CSMD2: variants seen among roughly 807,000 people sequenced by gnomAD.
CSMD2 encodes the protein CUB and sushi domain-containing protein 2.
A neutral mutation model predicts 398.5 loss-of-function variants in CSMD2; 130 were observed. The observed-to-expected ratio is 0.33, with a 90% CI of 0.28 to 0.38. CSMD2 has a LOEUF of 0.38. Ranked by LOEUF, CSMD2 falls within the 10% of genes least tolerant of loss-of-function variation. CSMD2 has a pLI of 1.00. For missense variants in CSMD2, 3,829 were observed against 4,764.9 expected, an observed-to-expected ratio of 0.80 and a Z score of 5.78; for synonymous variants, 1,828 against 1,908.5, an observed-to-expected ratio of 0.96 and a Z score of 1.10.
At chr1:33,948,283 G>A (rs1644899612) in intron 3 of CSMD2, among the ~76,000 whole-genome samples, 1 of 152,154 alleles carries the variant, frequency 6.6e-6, no homozygotes, top group Non-Finnish European at 1.5e-5. Flanking sequence ...AGTCATAGAG[G>A]CAGGTGGTAG....
rs149136078 is a variant in CSMD2, at chr1:33,566,456, C to T, written c.8380+1137G>A. Among the ~76,000 whole-genome samples the T allele has an allele frequency of 7.3e-4, 111 of 152,060 alleles. No individual in the cohort carries two copies. The East Asian group carries it at 7.9e-3, about 11-fold the overall frequency. On this transcript the variant is annotated intron_variant, in intron 53 of 70. Transcript: ENST00000373381. ...AAATGGGAGACGGCAAAATTAAGAC[C>T]GAACATATCAGTCATATTAATATAT...
At chr1:34,089,647 A>G (rs1043276505) in intron 1 of CSMD2, among the ~76,000 whole-genome samples, 1 of 151,966 alleles carries the variant, frequency 6.6e-6, no homozygotes, top group African/African-American at 2.4e-5. Flanking sequence ...TGTCTTCCCA[A>G]TTCCAAACCC....
Position 33,524,985 on chromosome 1 carries a change from C to A in CSMD2, c.10293G>T (p.Gly3431=). The A allele has an allele frequency of 6.2e-7, 1 of 1,614,216 alleles. No individual in the cohort carries two copies. The highest frequency in any genetic ancestry group is 8.5e-7 in the Non-Finnish European group (1 of 1,180,028). The change falls in exon 66 of 71, where the codon GGG becomes GGT. Residue 3431 remains glycine (G), a synonymous_variant. Coordinates refer to ENST00000373381, the MANE Select transcript of CSMD2 (RefSeq NM_001281956.2). ...CTCTGAGCATGGCTGGCTGCTTCTTCCCCTGGTATTCATAGGCCCCTTTCC... is the reference window on the plus strand; with the variant it reads ...CTCTGAGCATGGCTGGCTGCTTCTTACCCTGGTATTCATAGGCCCCTTTCC... The part of the protein sequence containing the change: ...SLWKGAYEYQ[G]KKQPAMLRVT...
At position 33,563,542 on chromosome 1, in the gene CSMD2, G is replaced by A. The variant is rs185024181; in HGVS notation, c.8380+4051C>T. Among the ~76,000 whole-genome samples, 11 of 152,204 alleles carry A rather than the reference G, an allele frequency of 7.2e-5. No individual in the cohort carries two copies. The East Asian group carries it at 1.7e-3, about 24-fold the overall frequency. On this transcript the variant is annotated intron_variant, in intron 53 of 70. Transcript: ENST00000373381. ...GATTAGCTAACAATTGTTGGGGCTCGCAGTCATTGTCTCACTTAATCCTCA... is the reference window on the plus strand; with the variant it reads ...GATTAGCTAACAATTGTTGGGGCTCACAGTCATTGTCTCACTTAATCCTCA...
At chr1:33,802,751 C>T (rs889175870) in intron 10 of CSMD2, among the ~76,000 whole-genome samples, 4 of 152,208 alleles carry the variant, frequency 2.6e-5, no homozygotes, top group African/African-American at 9.7e-5. Context: ...GGGAGCCCTG[C>T]ATTCTCAATC....
intron 11 of CSMD2, among the ~76,000 whole-genome samples, chr1:33,791,538 T>A (rs754178115): frequency 6.6e-6 from 1 of 151,964 alleles, no homozygotes; most frequent in African/African-American, 2.4e-5. Context: ...CAGGCTAGAG[T>A]GTAGTGGCAT....
chr1:33,778,577 C>T (rs1652296323), intron 12 of CSMD2, among the ~76,000 whole-genome samples: 1 of 152,026 alleles, frequency 6.6e-6, no homozygotes, highest in African/African-American at 2.4e-5. Context: ...GTACCCGGCA[C>T]TTAGCACAGT....
At chr1:34,162,456 C>G (rs1424606614) in intron 1 of CSMD2, among the ~76,000 whole-genome samples, 2 of 152,152 alleles carry the variant, frequency 1.3e-5, no homozygotes, top group Non-Finnish European at 2.9e-5. Flanking sequence ...GAATGTGTTT[C>G]CCCTTCTAAT....
rs573004329 is a variant in CSMD2 at position 33,852,694 on chromosome 1, T to C, written c.921-5698A>G. ...CTCTTCAACTAGCAGGCAAGCTCCA[T>C]GGGAGCTGGAATAAAATCTTCTTTT... is the stretch of plus-strand genomic sequence containing the variant. On this transcript the variant is annotated intron_variant, in intron 5 of 70. Transcript: ENST00000373381. Among the ~76,000 whole-genome samples the C allele has an allele frequency of 8.1e-4, 124 of 152,340 alleles. 3 individuals carry two copies. In the South Asian group the frequency reaches 0.023, roughly 28 times the overall value.
intron 27 of CSMD2, among the ~76,000 whole-genome samples, chr1:33,654,685 C>A (rs1218635638): frequency 6.6e-6 from 1 of 152,210 alleles, no homozygotes. Context: ...CCCAGGCCAG[C>A]CTAGAAACAG....
chr1:33,857,515 T>C (rs1248322914), intron 5 of CSMD2, among the ~76,000 whole-genome samples: 1 of 152,154 alleles, frequency 6.6e-6, no homozygotes, highest in Non-Finnish European at 1.5e-5. Context: ...GCCCCATCTC[T>C]GTTGTGCTCT....
intron 25 of CSMD2, among the ~76,000 whole-genome samples, chr1:33,668,958 A>C (rs991997493): frequency 5.9e-5 from 9 of 152,244 alleles, no homozygotes; most frequent in African/African-American, 1.4e-4. Context: ...GGAATAAATA[A>C]GATGCTATCA....
Position 34,104,322 on chromosome 1 carries a change from G to A in CSMD2, c.188-15129C>T, listed in dbSNP as rs534615603. 4.6e-5 allele frequency among the ~76,000 whole-genome samples: 7 copies of A among 152,116 alleles called. No homozygotes were observed. In the East Asian group the frequency reaches 1.4e-3, roughly 29 times the overall value. ...AAAAATTTCTCAGTTGGTTCCCTTG[G>A]GTGTTTTAGGTACACAATCATGTTG... On this transcript the variant is annotated intron_variant, in intron 1 of 70. Coordinates refer to ENST00000373381, the MANE Select transcript of CSMD2 (RefSeq NM_001281956.2).
rs930929892 is a variant in CSMD2, at chr1:33,515,493, C to G, written c.*1131G>C. ...GCAGCTGGTGTAGTGGACTTTGGGGCAGACTGATCTGGGTTTGCATTCTGA... is the reference window on the plus strand; with the variant it reads ...GCAGCTGGTGTAGTGGACTTTGGGGGAGACTGATCTGGGTTTGCATTCTGA... On this transcript the variant is annotated 3_prime_UTR_variant, in exon 71 of 71. Coordinates refer to ENST00000373381, the MANE Select transcript of CSMD2 (RefSeq NM_001281956.2). 3 of 152,284 alleles carry G rather than the reference C, an allele frequency of 2.0e-5. No individual in the cohort carries two copies. Among genetic ancestry groups the G allele is most frequent in the African/African-American group, 7.2e-5 (3 of 41,456 alleles). The allele number at this position is 152,284 out of a possible 1,614,324, so 9.4% of individuals were successfully genotyped here.
intron 32 of CSMD2, among the ~76,000 whole-genome samples, chr1:33,632,126 A>G (rs1210173686): frequency 6.6e-6 from 1 of 152,098 alleles, no homozygotes; most frequent in Non-Finnish European, 1.5e-5. Context: ...ATATGGTTAG[A>G]TTCCCTATAT....
chr1:34,078,257 G>A (rs1025772551), intron 2 of CSMD2, among the ~76,000 whole-genome samples: 4 of 151,970 alleles, frequency 2.6e-5, no homozygotes, highest in Non-Finnish European at 4.4e-5. Context: ...AGGAGAGGAG[G>A]CTATCATGGG....
At chr1:33,818,330 C>T (rs1657710322) in intron 9 of CSMD2, among the ~76,000 whole-genome samples, 1 of 152,200 alleles carries the variant, frequency 6.6e-6, no homozygotes. Flanking sequence ...CTGCTACATG[C>T]CACGCCCCAT....
chr1:33,907,123 T>G (rs1015090493), intron 5 of CSMD2, among the ~76,000 whole-genome samples: 3 of 146,268 alleles, frequency 2.1e-5, no homozygotes, highest in African/African-American at 7.6e-5. Flanking sequence ...ATCTTTTTTT[T>G]TTTTTTTTTT....
At chr1:33,960,746 TG>T (rs1213242295) in intron 3 of CSMD2, among the ~76,000 whole-genome samples, 1 of 152,212 alleles carries the variant, frequency 6.6e-6, no homozygotes, top group East Asian at 1.9e-4. Context: ...AGGATCTCTC[TG>T]GGGGATGAGA....
Sources: allele counts gnomAD v4.1 joint callset (sites outside exome capture counted in the v4.1 genomes callset), GRCh38; gene constraint gnomAD v4.1.1; transcripts MANE v1.5; gene names NCBI Gene and HGNC (gene_info 2026-07-23, HGNC 2026-07-21).